The following SLC25A32 variants were observed in gnomAD, a reference collection of about 807,000 sequenced individuals.
SLC25A32 encodes the protein Glycine auxotroph B, complementation of hamster.
In SLC25A32, 32 loss-of-function variants were observed where a neutral mutation model predicts 39.0. The observed-to-expected ratio is 0.82, with a 90% confidence interval of 0.62 to 1.10. The LOEUF (loss-of-function observed/expected upper bound fraction) is 1.10. SLC25A32 is among the 50% of genes least tolerant of loss of function. The pLI is 0.00. For missense variants in SLC25A32, 367 were observed against 395.3 expected (o/e 0.93, Z 0.61); for synonymous variants, 166 against 152.4 (o/e 1.09, Z -0.66).
chr8:103,414,192 G>A lies in SLC25A32; in HGVS notation c.154+592C>T, dbSNP rs1041587662. Among the ~76,000 whole-genome samples the A allele has an allele frequency of 1.1e-4, 16 of 152,362 alleles. No individual in the cohort carries two copies. The East Asian group carries it at 2.3e-3, about 22-fold the overall frequency. On this transcript the variant is annotated intron_variant, in intron 1 of 6. Coordinates refer to ENST00000297578, the MANE Select transcript of SLC25A32 (RefSeq NM_030780.5). ...TTTGAAACTCTTTCCAGACTTTAGT[G>A]TTGAGTTTAACTTCTAAAATGCTTT... is the stretch of plus-strand genomic sequence containing the variant.
At position 103,411,548 on chromosome 8, in the gene SLC25A32, T is replaced by C. The variant is rs7827996; in HGVS notation, c.154+3236A>G. ...AGTTCTCTCTTTCTTAGGAACCCCT[T>C]AATACACCTGATATTGTGTAAATCC... On this transcript the variant is annotated intron_variant, in intron 1 of 6. Transcript: ENST00000297578. 5.8e-3 allele frequency among the ~76,000 whole-genome samples: 878 copies of C among 152,298 alleles called. 15 individuals are homozygous for C. The highest frequency in any genetic ancestry group is 0.018 in the African/African-American group (762 of 41,560).
intron 1 of SLC25A32, among the ~76,000 whole-genome samples, chr8:103,413,410 A>C (rs762615857): frequency 3.3e-5 from 5 of 152,250 alleles, no homozygotes; most frequent in Non-Finnish European, 7.3e-5. Context: ...AGAGGGTTCC[A>C]GAGTTAGATT....
intron 1 of SLC25A32, 31 bp downstream of exon 1, chr8:103,414,753 G>A: frequency 2.5e-6 from 4 of 1,612,820 alleles, no homozygotes; most frequent in South Asian, 1.1e-5. Context: ...ACAGTGAGAG[G>A]ATGCAGCCCG....
At chr8:103,400,604 G>T (rs576317032) in intron 6 of SLC25A32, 58 bp from the exon 7 acceptor site, 2 of 1,577,114 alleles carry the variant, frequency 1.3e-6, no homozygotes. Flanking sequence ...TGAAAACACG[G>T]AAGTTCTAAC....
At chr8:103,414,304 T>C (rs1034221462) in intron 1 of SLC25A32, among the ~76,000 whole-genome samples, 4 of 152,224 alleles carry the variant, frequency 2.6e-5, no homozygotes, top group African/African-American at 9.7e-5. Flanking sequence ...TGTACCATTC[T>C]ACAAATGCCA....
intron 1 of SLC25A32, among the ~76,000 whole-genome samples, chr8:103,410,080 A>G (rs994991538): frequency 2.0e-5 from 3 of 152,026 alleles, no homozygotes; most frequent in Non-Finnish European, 2.9e-5. Flanking sequence ...AGAACTTTCC[A>G]TTTTCCTCTC....
chr8:103,400,871 A>G (rs1816203205), intron 6 of SLC25A32, among the ~76,000 whole-genome samples: 1 of 152,262 alleles, frequency 6.6e-6, no homozygotes, highest in Admixed American at 6.5e-5. Context: ...AAAAAACCTC[A>G]TAGCTTGGAT....
rs912900437 is a variant in SLC25A32, at chr8:103,400,685, A to G, written c.813-139T>C. The G allele has an allele frequency of 4.7e-6, 4 of 857,590 alleles. No individual in the cohort carries two copies. In the African/African-American group the frequency reaches 5.1e-5, roughly 11 times the overall value. The allele number at this position is 857,590 out of a possible 1,614,324, so 53.1% of individuals were successfully genotyped here. ...TAAGTTCATGTTTTCAATGTCCTAAAGTAATGTAGTTTATAAGCCATCTGT... is the reference window on the plus strand; with the variant it reads ...TAAGTTCATGTTTTCAATGTCCTAAGGTAATGTAGTTTATAAGCCATCTGT... On this transcript the variant is annotated intron_variant, in intron 6 of 6. Transcript: ENST00000297578.
At position 103,410,345 on chromosome 8, in the gene SLC25A32, G is replaced by A. The variant is rs149858389; in HGVS notation, c.155-2561C>T. On this transcript the variant is annotated intron_variant, in intron 1 of 6. Transcript: ENST00000297578. ...CAGGTGACCTAGGTGGGCGGAGTAC[G>A]AGCGAAGCTTCATCTGTACTTACAG... 6.1e-3 allele frequency among the ~76,000 whole-genome samples: 936 copies of A among 152,290 alleles called. 1 individual carries two copies. The highest frequency in any genetic ancestry group is 0.019 in the African/African-American group (809 of 41,546).
chr8:103,400,167 G>T lies in SLC25A32; in HGVS notation c.*244C>A, dbSNP rs1266588831. On this transcript the variant is annotated 3_prime_UTR_variant, in exon 7 of 7. Transcript: ENST00000297578. ...AAATCTGTGAAACTCTATCCTTCGT[G>T]TCAGTTTTAACATTGTGTTGATGGC... is the stretch of plus-strand genomic sequence containing the variant. 1 of 479,952 alleles carries T rather than the reference G, an allele frequency of 2.1e-6. No individual in the cohort carries two copies. The highest frequency in any genetic ancestry group is 2.0e-5 in the African/African-American group (1 of 50,548). The allele number at this position is 479,952 out of a possible 1,614,324, so 29.7% of individuals were successfully genotyped here.
intron 1 of SLC25A32, among the ~76,000 whole-genome samples, chr8:103,409,220 A>G (rs1344294883): frequency 2.2e-5 from 2 of 92,004 alleles, no homozygotes; most frequent in Admixed American, 9.7e-5. Context: ...TACATTATGC[A>G]TACCATTCTA....
intron 1 of SLC25A32, among the ~76,000 whole-genome samples, chr8:103,413,993 C>G (rs545964980): frequency 1.3e-5 from 2 of 152,318 alleles, no homozygotes; most frequent in East Asian, 3.9e-4. Context: ...TTATTAGATA[C>G]TTCTGTAGCC....
At chr8:103,400,647 C>T (rs1429810450) in intron 6 of SLC25A32, 101 bp from the exon 7 acceptor site, 5 of 1,208,894 alleles carry the variant, frequency 4.1e-6, no homozygotes, top group Non-Finnish European at 4.7e-6. Flanking sequence ...AGCAGTCAAA[C>T]CTTACTCTGA....
At position 103,403,185 on chromosome 8, in the gene SLC25A32, T is replaced by C. The variant is rs1200107286; in HGVS notation, c.531A>G (p.Glu177=). ...TTACCTTATATAATCCACGCACACCTTCATACTTATATATTTTCACAAGTG... is the reference window on the plus strand; with the variant it reads ...TTACCTTATATAATCCACGCACACCCTCATACTTATATATTTTCACAAGTG... ...FDTLVKIYKY[E]GVRGLYKGFV... Residue 177 remains glutamate (E), a synonymous_variant, in exon 4 of 7, where the codon GAA becomes GAG. Transcript: ENST00000297578. The C allele has an allele frequency of 1.2e-6, 2 of 1,609,368 alleles. No individual in the cohort carries two copies. The highest frequency in any genetic ancestry group is 1.7e-6 in the Non-Finnish European group (2 of 1,176,810).
At chr8:103,414,687 T>C (rs1248820272) in intron 1 of SLC25A32, 97 bp downstream of exon 1, 3 of 1,435,614 alleles carry the variant, frequency 2.1e-6, no homozygotes, top group Non-Finnish European at 2.9e-6. Context: ...AACGCTCCCT[T>C]CAACGCTCCT....
intron 3 of SLC25A32, 120 bp from the exon 4 acceptor site, chr8:103,403,444 AC>A: frequency 1.7e-6 from 1 of 593,016 alleles, no homozygotes; most frequent in Non-Finnish European, 2.7e-6. Flanking sequence ...AATGCACAGG[AC>A]CATATCTGAA....
intron 6 of SLC25A32, 22 bp downstream of exon 6, chr8:103,401,494 T>C: frequency 6.2e-7 from 1 of 1,603,788 alleles, no homozygotes; most frequent in Non-Finnish European, 8.5e-7. Context: ...AAAGCAATTT[T>C]TGATATAGCA....
chr8:103,409,186 T>A (rs1223571293), intron 1 of SLC25A32, among the ~76,000 whole-genome samples: 1 of 152,172 alleles, frequency 6.6e-6, no homozygotes. Context: ...GTATTAAGTA[T>A]CTCAGTAATC....
intron 6 of SLC25A32, among the ~76,000 whole-genome samples, chr8:103,401,153 T>C (rs1355757858): frequency 6.6e-6 from 1 of 152,242 alleles, no homozygotes; most frequent in Non-Finnish European, 1.5e-5. Flanking sequence ...GCAAAAGTTA[T>C]GGTGCCAGTA....
Sources: allele counts gnomAD v4.1 joint callset (sites outside exome capture counted in the v4.1 genomes callset), GRCh38; gene constraint gnomAD v4.1.1; transcripts MANE v1.5; gene names NCBI Gene and HGNC (gene_info 2026-07-23, HGNC 2026-07-21).